LRRC4C: variants seen among roughly 807,000 people sequenced by gnomAD.
The protein encoded by LRRC4C is leucine-rich repeat-containing protein 4C.
LRRC4C carries 5 observed loss-of-function variants against 33.6 expected under a neutral mutation model. That is an observed-to-expected ratio of 0.15 (90% CI 0.08 to 0.31). The LOEUF (loss-of-function observed/expected upper bound fraction) is 0.31, where lower values mean the gene tolerates loss of function less well. Among genes scored for constraint, LRRC4C ranks in the 10% least tolerant of loss-of-function variants. The pLI is 1.00. For missense variants in LRRC4C, 560 were observed against 796.7 expected (o/e 0.70, Z 3.58); for synonymous variants, 329 against 302.0 (o/e 1.09, Z -0.93).
At chr11:40,990,787 C>A (rs1352602845) in intron 1 of LRRC4C, among the ~76,000 whole-genome samples, 1 of 151,992 alleles carries the variant, frequency 6.6e-6, no homozygotes, top group Non-Finnish European at 1.5e-5. Flanking sequence ...TTTTTTACTG[C>A]CGCAATGAAG....
chr11:40,438,604 T>C (rs1392158764), intron 3 of LRRC4C, among the ~76,000 whole-genome samples: 1 of 152,226 alleles, frequency 6.6e-6, no homozygotes, highest in East Asian at 1.9e-4. Context: ...TCTATCTGAC[T>C]ACATTAAAGG....
intron 1 of LRRC4C, among the ~76,000 whole-genome samples, chr11:40,944,511 T>C (rs1179049609): frequency 1.3e-5 from 2 of 152,218 alleles, no homozygotes; most frequent in Non-Finnish European, 2.9e-5. Context: ...TGAAGTTTGC[T>C]AATTTTATTA....
At position 40,648,235 on chromosome 11, in the gene LRRC4C, A is replaced by G. The variant is rs967603609; in HGVS notation, c.-363T>C. The G allele has an allele frequency of 1.3e-5, 2 of 152,194 alleles. No individual in the cohort carries two copies. The highest frequency in any genetic ancestry group is 4.8e-5 in the African/African-American group (2 of 41,452). 9.4% of individuals were successfully genotyped at this position (152,194 alleles called of 1,614,324 possible). On this transcript the variant is annotated 5_prime_UTR_variant, in exon 3 of 7. The change abolishes an upstream ATG in the 5' untranslated region. Transcript: ENST00000528697. ...TCCAAAGTAGTCTCAGGATGTTTCCATATTGTTAATCCGCATAAGTTATTC... is the reference window on the plus strand; with the variant it reads ...TCCAAAGTAGTCTCAGGATGTTTCCGTATTGTTAATCCGCATAAGTTATTC...
At chr11:41,076,593 A>G (rs1048064545) in intron 1 of LRRC4C, among the ~76,000 whole-genome samples, 1 of 151,968 alleles carries the variant, frequency 6.6e-6, no homozygotes, top group Admixed American at 6.6e-5. Context: ...TGATCCAGTC[A>G]CTCCCTACTG....
chr11:40,839,512 C>T (rs966603833), intron 2 of LRRC4C, among the ~76,000 whole-genome samples: 18 of 152,302 alleles, frequency 1.2e-4, no homozygotes, highest in Middle Eastern at 3.4e-3. Flanking sequence ...TTCCAAAGTG[C>T]TGGGATTACA....
chr11:41,310,095 C>A (rs1322891051), intron 1 of LRRC4C, among the ~76,000 whole-genome samples: 1 of 152,074 alleles, frequency 6.6e-6, no homozygotes, highest in African/African-American at 2.4e-5. Flanking sequence ...TTTCAATGAC[C>A]ATGATTTTAA....
chr11:40,366,066 C>G (rs1948195358), intron 3 of LRRC4C, among the ~76,000 whole-genome samples: 1 of 151,770 alleles, frequency 6.6e-6, no homozygotes, highest in Admixed American at 6.6e-5. Flanking sequence ...TAGAAAAAGC[C>G]TGATTTTATT....
At chr11:40,690,675 C>T (rs889672768) in intron 2 of LRRC4C, among the ~76,000 whole-genome samples, 7 of 151,944 alleles carry the variant, frequency 4.6e-5, no homozygotes, top group African/African-American at 7.2e-5. Flanking sequence ...TATAAATCCC[C>T]AAATGTGGCA....
intron 3 of LRRC4C, among the ~76,000 whole-genome samples, chr11:40,355,018 G>A (rs1947591203): frequency 6.6e-6 from 1 of 152,172 alleles, no homozygotes; most frequent in African/African-American, 2.4e-5. Context: ...TGCCACTGAT[G>A]TTTATTCAAG....
chr11:40,423,491 C>T (rs1443668711), intron 3 of LRRC4C, among the ~76,000 whole-genome samples: 1 of 151,854 alleles, frequency 6.6e-6, no homozygotes, highest in Admixed American at 6.6e-5. Flanking sequence ...ACTACAGGCG[C>T]CCGCTACCAC....
intron 1 of LRRC4C, among the ~76,000 whole-genome samples, chr11:41,188,673 G>C (rs893864617): frequency 6.8e-6 from 1 of 147,654 alleles, no homozygotes; most frequent in Non-Finnish European, 1.5e-5. Context: ...TCTAAATGAA[G>C]GGGGAGCCTA....
intron 1 of LRRC4C, among the ~76,000 whole-genome samples, chr11:40,997,105 G>T (rs375217867): frequency 6.6e-6 from 1 of 152,106 alleles, no homozygotes; most frequent in African/African-American, 2.4e-5. Context: ...GTTCTGCAAT[G>T]ATATCTGTGT....
intron 3 of LRRC4C, among the ~76,000 whole-genome samples, chr11:40,339,578 T>A (rs1031247081): frequency 3.3e-5 from 5 of 152,230 alleles, no homozygotes; most frequent in Non-Finnish European, 5.9e-5. Flanking sequence ...GCAGGCAATA[T>A]AATTTTAATT....
intron 3 of LRRC4C, among the ~76,000 whole-genome samples, chr11:40,613,680 T>A (rs1321651711): frequency 6.6e-6 from 1 of 151,848 alleles, no homozygotes; most frequent in Admixed American, 6.6e-5. Flanking sequence ...AGATTTCCAA[T>A]TTACTTTGCC....
At chr11:41,112,707 C>T (rs1249403682) in intron 1 of LRRC4C, among the ~76,000 whole-genome samples, 1 of 152,024 alleles carries the variant, frequency 6.6e-6, no homozygotes, top group African/African-American at 2.4e-5. Flanking sequence ...GTTGGAAAAG[C>T]ATTTTATTCA....
chr11:41,207,275 T>A (rs1307499747), intron 1 of LRRC4C, among the ~76,000 whole-genome samples: 2 of 152,168 alleles, frequency 1.3e-5, no homozygotes, highest in African/African-American at 2.4e-5. Flanking sequence ...TCTGGGGTAA[T>A]GTCTGGACAT....
intron 4 of LRRC4C, among the ~76,000 whole-genome samples, chr11:40,274,204 T>C (rs977506602): frequency 4.0e-5 from 6 of 151,876 alleles, no homozygotes; most frequent in East Asian, 3.9e-4. Context: ...TTCTGAGAAA[T>C]AGCAAGATAG....
At chr11:40,233,444 A>G (rs1394320222) in intron 5 of LRRC4C, among the ~76,000 whole-genome samples, 1 of 152,218 alleles carries the variant, frequency 6.6e-6, no homozygotes, top group Non-Finnish European at 1.5e-5. Context: ...AGTATATAGC[A>G]CATTCAATAA....
At chr11:41,401,232 G>A (rs1308502520) in intron 1 of LRRC4C, among the ~76,000 whole-genome samples, 2 of 151,788 alleles carry the variant, frequency 1.3e-5, no homozygotes, top group African/African-American at 2.4e-5. Context: ...GAATTAAAAT[G>A]AAAAGTAAAC....
Sources: gnomAD v4.1 joint callset for allele counts (sites outside exome capture counted in the v4.1 genomes callset) on GRCh38, gnomAD v4.1.1 for gene constraint, MANE v1.5 for transcripts, NCBI Gene and HGNC (gene_info 2026-07-23, HGNC 2026-07-21) for gene names.